INPP5F: variants seen among roughly 807,000 people sequenced by gnomAD.
INPP5F encodes phosphatidylinositide 4-phosphatase SAC2.
In INPP5F, 97 loss-of-function variants were observed where a neutral mutation model predicts 137.2. That is an observed-to-expected ratio of 0.71 (90% CI 0.60 to 0.84). INPP5F has a LOEUF of 0.84. INPP5F is among the 40% of genes least tolerant of loss of function. INPP5F has a pLI of 0.00. For missense variants in INPP5F, 1,271 were observed against 1,371.9 expected, an observed-to-expected ratio of 0.93 and a Z score of 1.16; for synonymous variants, 504 against 476.9, an observed-to-expected ratio of 1.06 and a Z score of -0.74.
Position 119,811,917 on chromosome 10 carries a change from GTTC to G in INPP5F, c.1849_1851del (p.Phe617del). 1 of 1,614,240 alleles carries G rather than the reference GTTC, an allele frequency of 6.2e-7. No homozygotes were observed. The highest frequency in any genetic ancestry group is 1.1e-5 in the South Asian group (1 of 91,090). On this transcript the variant is annotated inframe_deletion, in exon 15 of 20. Coordinates refer to ENST00000650623, the MANE Select transcript of INPP5F (RefSeq NM_014937.4). ...AGTTACTACTGCCTGATGATGAGAA[GTTC>G]CATGGGGGCTGGGCCCTCATTGACT...
intron 1 of INPP5F, among the ~76,000 whole-genome samples, chr10:119,736,753 A>G (rs899296682): frequency 6.6e-6 from 1 of 152,186 alleles, no homozygotes; most frequent in African/African-American, 2.4e-5. Flanking sequence ...ACCAATTTCT[A>G]ATTTCCTTCA....
intron 2 of INPP5F, among the ~76,000 whole-genome samples, chr10:119,772,482 A>G (rs1035248842): frequency 2.6e-5 from 4 of 151,784 alleles, no homozygotes; most frequent in Non-Finnish European, 4.4e-5. Flanking sequence ...CCTGTTTGTC[A>G]TTTGCTTTTC....
intron 1 of INPP5F, among the ~76,000 whole-genome samples, chr10:119,745,443 C>T (rs991055220): frequency 1.3e-5 from 2 of 151,136 alleles, no homozygotes; most frequent in Non-Finnish European, 2.9e-5. Flanking sequence ...GTTTCTTACT[C>T]CCAATCTCCA....
intron 1 of INPP5F, among the ~76,000 whole-genome samples, chr10:119,734,799 A>G (rs1848175655): frequency 6.6e-6 from 1 of 152,202 alleles, no homozygotes; most frequent in African/African-American, 2.4e-5. Flanking sequence ...AATATATTTT[A>G]AAACATAACC....
At chr10:119,774,177 G>A (rs1362324850) in intron 2 of INPP5F, among the ~76,000 whole-genome samples, 3 of 146,352 alleles carry the variant, frequency 2.0e-5, no homozygotes, top group African/African-American at 7.6e-5. Context: ...AGGGAGAATT[G>A]CTTGAACCCG....
chr10:119,741,241 G>T (rs1329893317), intron 1 of INPP5F, among the ~76,000 whole-genome samples: 1 of 152,138 alleles, frequency 6.6e-6, no homozygotes, highest in Non-Finnish European at 1.5e-5. Flanking sequence ...TGGCTCTCTG[G>T]CTTCAGGCCC....
chr10:119,779,896 T>C (rs913140057), intron 2 of INPP5F, among the ~76,000 whole-genome samples: 1 of 152,186 alleles, frequency 6.6e-6, no homozygotes, highest in Non-Finnish European at 1.5e-5. Context: ...ATTTAACTTT[T>C]TTTATAAGTA....
At chr10:119,737,009 T>A (rs1848233507) in intron 1 of INPP5F, among the ~76,000 whole-genome samples, 1 of 152,104 alleles carries the variant, frequency 6.6e-6, no homozygotes, top group Non-Finnish European at 1.5e-5. Context: ...CAACATTTTT[T>A]ATAGAGACAG....
chr10:119,770,019 C>G (rs553640604), intron 2 of INPP5F, among the ~76,000 whole-genome samples: 1 of 152,246 alleles, frequency 6.6e-6, no homozygotes, highest in East Asian at 1.9e-4. Flanking sequence ...TACAGTTGCT[C>G]ATCTCCTTTT....
rs371724974 is a variant in INPP5F, at chr10:119,811,869, C to G, written c.1800C>G (p.Ser600Arg). 1 of 1,613,944 alleles carries G rather than the reference C, an allele frequency of 6.2e-7. No homozygotes were observed. The highest frequency in any genetic ancestry group is 8.5e-7 in the Non-Finnish European group (1 of 1,179,910). Residue 600 changes from serine (S) to arginine (R), a missense_variant, in exon 15 of 20, where the codon AGC (serine) becomes AGG (arginine). Physicochemically the swap from Ser to Arg is moderately radical, Grantham distance 110 (BLOSUM62 -1). Coordinates refer to ENST00000650623, the MANE Select transcript of INPP5F (RefSeq NM_014937.4). ...ENQRSHQELI[S>R]QLLQSYMKLL... is the part of the protein sequence containing the mutation. ...AGAGAAGCCACCAGGAACTAATTAG[C>G]CAGCTCTTACAAAGTTACATGAAGT... is the stretch of plus-strand genomic sequence containing the variant.
intron 6 of INPP5F, chr10:119,793,755 C>T (rs886473631): frequency 1.3e-5 from 2 of 152,312 alleles, no homozygotes; most frequent in African/African-American, 4.8e-5. Flanking sequence ...AAGTGATTCT[C>T]CTGTCTCAGC....
intron 3 of INPP5F, among the ~76,000 whole-genome samples, chr10:119,784,590 C>T (rs1849814486): frequency 6.6e-6 from 1 of 152,156 alleles, no homozygotes; most frequent in African/African-American, 2.4e-5. Context: ...GGAGCAGAAG[C>T]AATCTTATTT....
At chr10:119,791,268 A>C (rs1374458345) in intron 3 of INPP5F, among the ~76,000 whole-genome samples, 2 of 152,236 alleles carry the variant, frequency 1.3e-5, no homozygotes, top group Non-Finnish European at 2.9e-5. Flanking sequence ...TTATGAGCCT[A>C]ACCTGAATTT....
intron 1 of INPP5F, among the ~76,000 whole-genome samples, chr10:119,745,336 C>A (rs550819451): frequency 1.3e-5 from 2 of 151,612 alleles, no homozygotes; most frequent in African/African-American, 4.8e-5. Context: ...GTTTTTAAAT[C>A]TTTTTTTGTT....
In INPP5F at chr10:119,805,449, T is replaced by G; in HGVS notation, c.1307T>G (p.Met436Arg). 1 of 1,608,452 alleles carries G rather than the reference T, an allele frequency of 6.2e-7. No individual in the cohort carries two copies. The highest frequency in any genetic ancestry group is 1.7e-5 in the Admixed American group (1 of 60,016). The change falls in exon 11 of 20, where the codon ATG (methionine) becomes AGG (arginine). Residue 436 changes from methionine (M) to arginine (R), a missense_variant. Around this residue, in one of 6 missense-constraint regions of INPP5F, gnomAD observed 593 missense variants for 712.4 expected, o/e 0.83. Transcript: ENST00000650623. ...GCCATTTATGACATTATTCTTGATA[T>G]GAAGTGGTGTTGGTAAGTATTTTAC... The part of the protein sequence containing the change: ...TDAIYDIILD[M>R]KWCWVDEAGV...
intron 2 of INPP5F, among the ~76,000 whole-genome samples, chr10:119,759,354 A>G (rs1026020937): frequency 6.6e-6 from 1 of 151,598 alleles, no homozygotes; most frequent in African/African-American, 2.4e-5. Flanking sequence ...TCATTTTCTC[A>G]TGAGGATCTC....
chr10:119,741,349 C>T (rs1379847512), intron 1 of INPP5F, among the ~76,000 whole-genome samples: 1 of 152,118 alleles, frequency 6.6e-6, no homozygotes, highest in Non-Finnish European at 1.5e-5. Context: ...ACCTGTTGTC[C>T]CGCTGAGTGG....
rs1849983510 is a variant in INPP5F at position 119,787,940 on chromosome 10, T to G, written c.316-3577T>G. Among the ~76,000 whole-genome samples, 1 of 152,118 alleles carries G rather than the reference T, an allele frequency of 6.6e-6. No individual in the cohort carries two copies. The highest frequency in any genetic ancestry group is 2.1e-4 in the South Asian group (1 of 4,826). ...CTGCACTGAGTTGGATAATCCTGCA[T>G]AGAACATCTCCTGTGTGCCATGCCA... On this transcript the variant is annotated intron_variant, in intron 3 of 19. Transcript: ENST00000650623. This position sits in a 1 kb window ranked among gnomAD's most constrained non-coding sequence, Gnocchi z 4.1.
chr10:119,827,075 G>A lies in INPP5F; in HGVS notation c.2694G>A (p.Ala898=), dbSNP rs753674586. ...CTAGTTGTGGTATTATTGCCTCAGC[G>A]CCTCGATTGGGCAGTCGGTCCCAGT... is the stretch of plus-strand genomic sequence containing the variant. ...VLPSCGIIAS[A]PRLGSRSQSL... The change falls in exon 20 of 20, where the codon GCG becomes GCA. Residue 898 remains alanine (A), a synonymous_variant. Coordinates refer to ENST00000650623, the MANE Select transcript of INPP5F (RefSeq NM_014937.4). 22 of 1,613,974 alleles carry A rather than the reference G, an allele frequency of 1.4e-5. No individual in the cohort carries two copies. Among genetic ancestry groups the A allele is most frequent in the African/African-American group, 4.0e-5 (3 of 74,894 alleles).
Sources: allele counts gnomAD v4.1 joint callset (sites outside exome capture counted in the v4.1 genomes callset), GRCh38; gene constraint gnomAD v4.1.1; regional missense constraint gnomAD v4.1.1; non-coding constraint Gnocchi (gnomAD v3.1); transcripts MANE v1.5; gene names NCBI Gene and HGNC (gene_info 2026-07-23, HGNC 2026-07-21).